The following KAT2B variants were observed in gnomAD, a reference collection of about 807,000 sequenced individuals.
KAT2B encodes histone acetyltransferase KAT2B.
A neutral mutation model predicts 105.9 loss-of-function variants in KAT2B; 36 were observed. The observed-to-expected ratio is 0.34, with a 90% confidence interval of 0.26 to 0.45. The LOEUF is 0.45. Among genes scored for constraint, KAT2B ranks in the 20% least tolerant of loss-of-function variants. KAT2B has a pLI of 1.00. For missense variants in KAT2B, 820 were observed against 1,021.6 expected, an observed-to-expected ratio of 0.80 and a Z score of 2.69; for synonymous variants, 397 against 377.9, an observed-to-expected ratio of 1.05 and a Z score of -0.59.
chr3:20,043,678 G>GT (rs1697757433), intron 1 of KAT2B, among the ~76,000 whole-genome samples: 1 of 152,000 alleles, frequency 6.6e-6, no homozygotes, highest in East Asian at 1.9e-4. Context: ...GCACTGAGGA[G>GT]TGCAGGAATC....
chr3:20,146,538 GTC>G, intron 14 of KAT2B, 108 bp downstream of exon 14: 1 of 655,376 alleles, frequency 1.5e-6, no homozygotes, highest in Non-Finnish European at 2.8e-6. Flanking sequence ...TGCCCTGCCC[GTC>G]TCTGTGTTAT....
chr3:20,052,405 G>A (rs540349711), intron 1 of KAT2B, among the ~76,000 whole-genome samples: 1 of 152,254 alleles, frequency 6.6e-6, no homozygotes, highest in Non-Finnish European at 1.5e-5. Flanking sequence ...TTGTACTGGG[G>A]ATTAAATTCC....
At chr3:20,142,407 G>T (rs764956009) in intron 13 of KAT2B, among the ~76,000 whole-genome samples, 1 of 152,106 alleles carries the variant, frequency 6.6e-6, no homozygotes, top group Non-Finnish European at 1.5e-5. Flanking sequence ...TTTTTCCACA[G>T]AATTCAGTTG....
At chr3:20,119,296 T>C (rs1559321524) in intron 7 of KAT2B, among the ~76,000 whole-genome samples, 1 of 151,424 alleles carries the variant, frequency 6.6e-6, no homozygotes, top group East Asian at 1.9e-4. Flanking sequence ...TTTTTTTTTT[T>C]ACTAACTACC....
chr3:20,109,132 CAAGACATGA>C, intron 5 of KAT2B, among the ~76,000 whole-genome samples: 1 of 152,268 alleles, frequency 6.6e-6, no homozygotes, highest in East Asian at 1.9e-4. Context: ...CGTTGTTAAG[CAAGACATGA>C]AAGACATGAC....
chr3:20,144,434 A>G (rs554661538), intron 13 of KAT2B, among the ~76,000 whole-genome samples: 2 of 150,482 alleles, frequency 1.3e-5, no homozygotes, highest in Admixed American at 1.3e-4. Flanking sequence ...GACTACAGGC[A>G]CCCGCCACCA....
At chr3:20,115,827 AGTTTTGCCTTTTCCAG>A (rs1699198120) in intron 7 of KAT2B, among the ~76,000 whole-genome samples, 1 of 152,130 alleles carries the variant, frequency 6.6e-6, no homozygotes, top group African/African-American at 2.4e-5. Context: ...TTGTTCTTAC[AGTTTTGCCTTTTCCAG>A]AATGTCATAG....
chr3:20,058,353 G>T (rs1698036249), intron 1 of KAT2B, among the ~76,000 whole-genome samples: 1 of 151,182 alleles, frequency 6.6e-6, no homozygotes, highest in South Asian at 2.1e-4. Context: ...TACTCGGGAG[G>T]CTGAGGCAGG....
At position 20,152,313 on chromosome 3, in the gene KAT2B, AT is replaced by A. The variant is rs532817681; in HGVS notation, c.2306-10del. On this transcript the variant is annotated intron_variant, in intron 17 of 17. Transcript: ENST00000263754. The stretch of plus-strand genomic sequence containing the variant: ...TTAAAGGGAGTCAAAGATTGCTAAT[AT>A]TTTTTTTTCCTGTGCAGATCTGAAA... 2.8e-4 allele frequency: 430 copies of A among 1,548,386 alleles called. No homozygotes were observed. Among genetic ancestry groups the A allele is most frequent in the Middle Eastern group, 3.4e-4 (2 of 5,856 alleles).
intron 13 of KAT2B, among the ~76,000 whole-genome samples, chr3:20,145,069 T>A (rs894395125): frequency 1.1e-4 from 16 of 152,198 alleles, no homozygotes; most frequent in Non-Finnish European, 2.1e-4. Context: ...AGTGCTGGGA[T>A]TACAGGTGTG....
intron 2 of KAT2B, among the ~76,000 whole-genome samples, chr3:20,081,365 G>C (rs1698516080): frequency 6.6e-6 from 1 of 152,148 alleles, no homozygotes; most frequent in Admixed American, 6.5e-5. Context: ...TGTGCTTCCT[G>C]TTCTCAGCAA....
At chr3:20,056,139 G>A (rs1474223594) in intron 1 of KAT2B, among the ~76,000 whole-genome samples, 1 of 152,194 alleles carries the variant, frequency 6.6e-6, no homozygotes, top group East Asian at 1.9e-4. Context: ...AGAAACAGTA[G>A]ATAAAGAGGG....
chr3:20,061,226 A>G (rs537224408), intron 1 of KAT2B, among the ~76,000 whole-genome samples: 12 of 152,286 alleles, frequency 7.9e-5, no homozygotes, highest in Admixed American at 7.9e-4. Context: ...GTGGAATCAT[A>G]CAGTATTTGT....
At chr3:20,120,338 C>T (rs62243136) in intron 8 of KAT2B, among the ~76,000 whole-genome samples, 67 of 152,164 alleles carry the variant, frequency 4.4e-4, no homozygotes, top group Non-Finnish European at 8.2e-4. Context: ...AGTGACTCTC[C>T]TGCCTCAGTC....
chr3:20,061,636 ACT>A (rs2125172084), intron 1 of KAT2B, among the ~76,000 whole-genome samples: 1 of 151,178 alleles, frequency 6.6e-6, no homozygotes, highest in Admixed American at 6.6e-5. Flanking sequence ...CCTCTCCAAC[ACT>A]GTTTTCTGTT....
At chr3:20,118,629 A>G (rs1699250506) in intron 7 of KAT2B, among the ~76,000 whole-genome samples, 1 of 148,766 alleles carries the variant, frequency 6.7e-6, no homozygotes, top group Admixed American at 6.8e-5. Context: ...AGGCTGAGGC[A>G]GGAGAATAGC....
chr3:20,119,743 T>G lies in KAT2B; in HGVS notation c.1276+20T>G. 1 of 1,613,478 alleles carries G rather than the reference T, an allele frequency of 6.2e-7. No homozygotes were observed. Among genetic ancestry groups the G allele is most frequent in the Non-Finnish European group, 8.5e-7 (1 of 1,179,624 alleles). Reference sequence around the variant, plus strand: ...ACCCAGGTAAGCTCTTAAGAGGGGATAAGAGAGGGCTGTGACTTGCTCCAG... The same window carrying G: ...ACCCAGGTAAGCTCTTAAGAGGGGAGAAGAGAGGGCTGTGACTTGCTCCAG... On this transcript the variant is annotated intron_variant, in intron 8 of 17. Coordinates refer to ENST00000263754, the MANE Select transcript of KAT2B (RefSeq NM_003884.5).
chr3:20,104,163 G>A (rs1390503133), intron 5 of KAT2B, among the ~76,000 whole-genome samples: 3 of 152,176 alleles, frequency 2.0e-5, no homozygotes, highest in Non-Finnish European at 4.4e-5. Context: ...CAGCAAAAGA[G>A]TCCTTTATAG....
At chr3:20,042,463 G>C (rs1032377531) in intron 1 of KAT2B, among the ~76,000 whole-genome samples, 2 of 151,968 alleles carry the variant, frequency 1.3e-5, no homozygotes, top group Admixed American at 1.3e-4. Flanking sequence ...ATACTGCTTG[G>C]GTGATGACTA....
Sources: allele counts gnomAD v4.1 joint callset (sites outside exome capture counted in the v4.1 genomes callset), GRCh38; gene constraint gnomAD v4.1.1; transcripts MANE v1.5; gene names NCBI Gene and HGNC (gene_info 2026-07-23, HGNC 2026-07-21).